The following SORCS1 variants were observed in gnomAD, a reference collection of about 807,000 sequenced individuals.
The protein encoded by SORCS1 is sortilin related VPS10 domain containing receptor 1.
SORCS1 carries 60 observed loss-of-function variants against 146.1 expected under a neutral mutation model. The observed-to-expected ratio is 0.41, with a 90% confidence interval of 0.33 to 0.51. SORCS1 has a LOEUF of 0.51. Ranked by LOEUF, SORCS1 falls within the 20% of genes least tolerant of loss-of-function variation. The pLI is 0.21. For synonymous variants in SORCS1, 637 were observed against 584.0 expected, an observed-to-expected ratio of 1.09 and a Z score of -1.31; for missense variants, 1,352 against 1,487.6, an observed-to-expected ratio of 0.91 and a Z score of 1.50.
Position 107,164,440 on chromosome 10 carries a change from C to G in SORCS1, c.87G>C (p.Pro29=). Residue 29 remains proline, a synonymous_variant, in exon 1 of 26, where the codon CCG becomes CCC. Transcript: ENST00000263054. The surrounding 1 kb of genome is among the most constrained non-coding windows in gnomAD (Gnocchi z 6.8). ...AGCAGGAGCCGCCGCCGCAGACGCC[C>G]GGGGCGCAGAGGATCAAGAGCCCCG... The part of the protein sequence containing the change: ...AGAGLLILCA[P]GVCGGGSCCP... 2 of 1,409,272 alleles carry G rather than the reference C, an allele frequency of 1.4e-6. No individual in the cohort carries two copies. Among genetic ancestry groups the G allele is most frequent in the Middle Eastern group, 2.6e-4 (1 of 3,822 alleles). 87.3% of individuals were successfully genotyped at this position (1,409,272 alleles called of 1,614,324 possible). A position where few individuals can be genotyped will look rare whatever the true frequency, so the allele number is the denominator to read the frequency against.
chr10:106,776,696 C>A lies in SORCS1; in HGVS notation c.727-4G>T. On this transcript the variant is annotated splice_region_variant and splice_polypyrimidine_tract_variant and intron_variant, in intron 3 of 25. Transcript: ENST00000263054. ...CCGGGTCTGTGAGTAACATTATCTGCAGCAAAGAATTGTTGGAGAAAGAAA... is the reference window on the plus strand; with the variant it reads ...CCGGGTCTGTGAGTAACATTATCTGAAGCAAAGAATTGTTGGAGAAAGAAA... 6.2e-7 allele frequency: 1 copy of A among 1,600,826 alleles called. No homozygotes were observed. Among genetic ancestry groups the A allele is most frequent in the South Asian group, 1.1e-5 (1 of 89,342 alleles).
At chr10:106,789,160 C>T (rs1946199085) in intron 3 of SORCS1, among the ~76,000 whole-genome samples, 1 of 152,118 alleles carries the variant, frequency 6.6e-6, no homozygotes, top group African/African-American at 2.4e-5. Flanking sequence ...CTAGGCTGCA[C>T]AGAGCAGCAG....
chr10:106,906,725 C>T (rs895425064), intron 2 of SORCS1, among the ~76,000 whole-genome samples: 3 of 152,116 alleles, frequency 2.0e-5, no homozygotes, highest in African/African-American at 4.8e-5. Flanking sequence ...CATATCATGA[C>T]TATAACTTAA....
chr10:107,003,256 A>G (rs1265010936), intron 1 of SORCS1, among the ~76,000 whole-genome samples: 1 of 152,120 alleles, frequency 6.6e-6, no homozygotes, highest in Non-Finnish European at 1.5e-5. Flanking sequence ...CTCCATCTCA[A>G]AAAGGAAAAA....
At chr10:107,091,152 A>G (rs985876508) in intron 1 of SORCS1, among the ~76,000 whole-genome samples, 2 of 152,244 alleles carry the variant, frequency 1.3e-5, no homozygotes, top group Non-Finnish European at 2.9e-5. Flanking sequence ...ATTTTGTCAC[A>G]AATCTCATCA....
At chr10:106,934,650 T>A (rs1040257726) in intron 2 of SORCS1, among the ~76,000 whole-genome samples, 2 of 152,132 alleles carry the variant, frequency 1.3e-5, no homozygotes, top group Non-Finnish European at 2.9e-5. Flanking sequence ...TGCAAAGATA[T>A]GAAACCAACC....
At chr10:106,926,809 A>C (rs1953045298) in intron 2 of SORCS1, among the ~76,000 whole-genome samples, 1 of 150,138 alleles carries the variant, frequency 6.7e-6, no homozygotes, top group African/African-American at 2.5e-5. Flanking sequence ...CTTCCTCCAA[A>C]ATTTCTAAGG....
intron 1 of SORCS1, among the ~76,000 whole-genome samples, chr10:107,097,162 A>G (rs1213444625): frequency 1.3e-5 from 2 of 152,252 alleles, no homozygotes; most frequent in Non-Finnish European, 2.9e-5. Context: ...CAATAAAGGA[A>G]CTGAATAAAA....
chr10:107,105,638 G>A (rs140909693), intron 1 of SORCS1, among the ~76,000 whole-genome samples: 1,563 of 152,258 alleles, frequency 0.01, 12 homozygotes, highest in Non-Finnish European at 0.018. Flanking sequence ...GATGGAGGCC[G>A]GAAGACTCAG....
At chr10:106,721,825 C>T (rs1564897096) in intron 6 of SORCS1, among the ~76,000 whole-genome samples, 1 of 152,060 alleles carries the variant, frequency 6.6e-6, no homozygotes, top group East Asian at 1.9e-4. Flanking sequence ...TGTATATATT[C>T]GCATTGTTTG....
chr10:107,100,548 C>A (rs74154850), intron 1 of SORCS1, among the ~76,000 whole-genome samples: 5,218 of 151,860 alleles, frequency 0.034, 272 homozygotes, highest in African/African-American at 0.11. Flanking sequence ...GTCTCTTAGG[C>A]AGACTTTATG....
At chr10:107,003,567 G>A (rs1957309939) in intron 1 of SORCS1, among the ~76,000 whole-genome samples, 1 of 151,610 alleles carries the variant, frequency 6.6e-6, no homozygotes, top group African/African-American at 2.4e-5. Context: ...TGGATCTAAT[G>A]CATTCTTAGT....
Position 106,679,711 on chromosome 10 carries a change from G to A in SORCS1, c.1584C>T (p.His528=). 6.2e-7 allele frequency: 1 copy of A among 1,611,348 alleles called. No individual in the cohort carries two copies. Among genetic ancestry groups the A allele is most frequent in the Non-Finnish European group, 8.5e-7 (1 of 1,178,524 alleles). The change falls in exon 11 of 26, where the codon CAC becomes CAT. Residue 528 remains histidine (H), a synonymous_variant. Coordinates refer to ENST00000263054, the MANE Select transcript of SORCS1 (RefSeq NM_052918.5). ...TGTAGGGATTCTCAGAGACCTTCAGGTGAAGGTGTAGTGAGCAATAGGGCT... is the reference window on the plus strand; with the variant it reads ...TGTAGGGATTCTCAGAGACCTTCAGATGAAGGTGTAGTGAGCAATAGGGCT... The part of the protein sequence containing the change: ...CLLPYCSLHL[H]LKVSENPYTS...
At chr10:106,821,451 A>C (rs570977419) in intron 3 of SORCS1, among the ~76,000 whole-genome samples, 30 of 152,360 alleles carry the variant, frequency 2.0e-4, no homozygotes, top group African/African-American at 6.7e-4. Flanking sequence ...TTTGAATTAT[A>C]ATGTCAATAA....
chr10:107,064,202 G>T (rs1961517336), intron 1 of SORCS1, among the ~76,000 whole-genome samples: 1 of 152,086 alleles, frequency 6.6e-6, no homozygotes, highest in Non-Finnish European at 1.5e-5. Context: ...AGAAAAGATT[G>T]AATACGGTAC....
At chr10:106,624,657 G>C (rs1271334692) in intron 19 of SORCS1, among the ~76,000 whole-genome samples, 1 of 152,082 alleles carries the variant, frequency 6.6e-6, no homozygotes. Context: ...CACCATGCCG[G>C]GCCAATGATG....
chr10:106,706,207 A>G (rs868322375), intron 8 of SORCS1, among the ~76,000 whole-genome samples: 4 of 150,626 alleles, frequency 2.7e-5, no homozygotes, highest in African/African-American at 9.9e-5. Flanking sequence ...AGAAAGAAAG[A>G]AAAAAGAAAG....
At chr10:106,749,029 A>G (rs1301322703) in intron 5 of SORCS1, among the ~76,000 whole-genome samples, 1 of 152,166 alleles carries the variant, frequency 6.6e-6, no homozygotes, top group Admixed American at 6.5e-5. Context: ...TAGAAGCATA[A>G]TTTTGCTTTT....
intron 1 of SORCS1, among the ~76,000 whole-genome samples, chr10:107,027,025 T>TATACATATAA (rs1958436046): frequency 8.3e-6 from 1 of 121,066 alleles, no homozygotes; most frequent in Non-Finnish European, 1.7e-5. Context: ...TATGTGTATA[T>TATACATATAA]ATATATATAA....
Sources: allele counts gnomAD v4.1 joint callset (sites outside exome capture counted in the v4.1 genomes callset), GRCh38; gene constraint gnomAD v4.1.1; non-coding constraint Gnocchi (gnomAD v3.1); transcripts MANE v1.5; gene names NCBI Gene and HGNC (gene_info 2026-07-23, HGNC 2026-07-21).